The following ADGRB2 variants were observed in gnomAD, a reference collection of about 807,000 sequenced individuals.
ADGRB2 encodes the protein brain-specific angiogenesis inhibitor 2.
In ADGRB2, 47 loss-of-function variants were observed where a neutral mutation model predicts 178.7. The ratio of observed to expected loss-of-function variants is 0.26; its 90% CI spans 0.21 to 0.34. The LOEUF (loss-of-function observed/expected upper bound fraction) is 0.34. Among genes scored for constraint, ADGRB2 ranks in the 10% least tolerant of loss-of-function variants. The pLI, the probability that ADGRB2 is intolerant of heterozygous loss-of-function variation, is 1.00. For synonymous variants in ADGRB2, 870 were observed against 912.4 expected, an observed-to-expected ratio of 0.95 and a Z score of 0.84; for missense variants, 1,584 against 2,180.8, an observed-to-expected ratio of 0.73 and a Z score of 5.45.
chr1:31,740,691 A>G lies in ADGRB2; in HGVS notation c.1795-150T>C. 1.3e-6 allele frequency: 1 copy of G among 779,928 alleles called. No homozygotes were observed. Among genetic ancestry groups the G allele is most frequent in the South Asian group, 2.0e-5 (1 of 49,856 alleles). The allele number at this position is 779,928 out of a possible 1,614,324, so 48.3% of individuals were successfully genotyped here. A position where few individuals can be genotyped will look rare whatever the true frequency, so the allele number is the denominator to read the frequency against. On this transcript the variant is annotated intron_variant, in intron 11 of 32. Transcript: ENST00000373658. This position sits in a 1 kb window ranked among gnomAD's most constrained non-coding sequence, Gnocchi z 5.9. ...AGGCTCAAAGGGGCACACAGGGGAGACAGAGTCCGAGAAAGAGACTCATAG... is the reference window on the plus strand; with the variant it reads ...AGGCTCAAAGGGGCACACAGGGGAGGCAGAGTCCGAGAAAGAGACTCATAG...
intron 6 of ADGRB2, 147 bp from the exon 7 acceptor site, chr1:31,743,149 C>T: frequency 1.0e-6 from 1 of 978,276 alleles, no homozygotes; most frequent in Non-Finnish European, 1.4e-6. Context: ...CCAGGGGGAT[C>T]TCCCAGGGCC....
Position 31,735,322 on chromosome 1 carries a change from A to G in ADGRB2, c.3354-41T>C, listed in dbSNP as rs1357395255. 8.1e-6 allele frequency: 10 copies of G among 1,230,520 alleles called. No homozygotes were observed. Among genetic ancestry groups the G allele is most frequent in the Non-Finnish European group, 9.8e-6 (9 of 919,304 alleles). The allele number at this position is 1,230,520 out of a possible 1,614,324, so 76.2% of individuals were successfully genotyped here. A position where few individuals can be genotyped will look rare whatever the true frequency, so the allele number is the denominator to read the frequency against. ...GACATGGGAGAAGGAGGGGAAACAC[A>G]TGGGAAGCCGGGAGATGGGGCAGAA... On this transcript the variant is annotated intron_variant, in intron 24 of 32. Transcript: ENST00000373658. This position sits in a 1 kb window ranked among gnomAD's most constrained non-coding sequence, Gnocchi z 6.0.
Position 31,732,966 on chromosome 1 carries a change from C to T in ADGRB2, c.3624+6G>A. 6.4e-7 allele frequency: 1 copy of T among 1,550,598 alleles called. No individual in the cohort carries two copies. The highest frequency in any genetic ancestry group is 8.7e-7 in the Non-Finnish European group (1 of 1,147,242). ...GCACACACAGGCGGGAGAGGCCCAG[C>T]CCCACCTCTCGGCGCAGGAAGCAGT... On this transcript the variant is annotated splice_donor_region_variant and intron_variant, in intron 26 of 32. Coordinates refer to ENST00000373658, the MANE Select transcript of ADGRB2 (RefSeq NM_001364857.2).
rs1647037349 is a variant in ADGRB2 at position 31,761,329 on chromosome 1, AG to A, written c.-191+2554del. 6.6e-6 allele frequency among the ~76,000 whole-genome samples: 1 copy of A among 152,204 alleles called. No homozygotes were observed. Among genetic ancestry groups the A allele is most frequent in the South Asian group, 2.1e-4 (1 of 4,828 alleles). ...GTTTCTTCAAACTCCTCAGGCCCTC[AG>A]GCCCGGTGGCCCTGCTAACTCTGAC... On this transcript the variant is annotated intron_variant, in intron 1 of 32. Transcript: ENST00000373658. The surrounding 1 kb of genome is among the most constrained non-coding windows in gnomAD (Gnocchi z 4.2).
chr1:31,744,051 A>G lies in ADGRB2; in HGVS notation c.1087+142T>C, dbSNP rs1207864693. The G allele has an allele frequency of 8.8e-7, 1 of 1,130,606 alleles. No individual in the cohort carries two copies. The highest frequency in any genetic ancestry group is 3.1e-5 in the Admixed American group (1 of 32,762). 70.0% of individuals were successfully genotyped at this position (1,130,606 alleles called of 1,614,324 possible). A position where few individuals can be genotyped will look rare whatever the true frequency, so the allele number is the denominator to read the frequency against. On this transcript the variant is annotated intron_variant, in intron 6 of 32. Transcript: ENST00000373658. This position sits in a 1 kb window ranked among gnomAD's most constrained non-coding sequence, Gnocchi z 6.7. ...CCTGCACCGGGCTGGCATGGTACGC[A>G]GAGTTGGGCATGGTGTGGGGAACAG...
intron 4 of ADGRB2, among the ~76,000 whole-genome samples, chr1:31,750,819 T>A (rs1646527969): frequency 6.6e-6 from 1 of 152,004 alleles, no homozygotes; most frequent in Non-Finnish European, 1.5e-5. Context: ...GCTCTACCCC[T>A]GCAGTCCAAT....
intron 28 of ADGRB2, 70 bp from the exon 29 acceptor site, chr1:31,731,489 C>G (rs949795306): frequency 2.7e-6 from 4 of 1,506,582 alleles, no homozygotes; most frequent in Non-Finnish European, 3.6e-6. Flanking sequence ...ATTGCCCAGG[C>G]TGGGGAGGTA....
At chr1:31,757,073 G>T in intron 3 of ADGRB2, 128 bp downstream of exon 3, 3 of 1,495,732 alleles carry the variant, frequency 2.0e-6, no homozygotes, top group South Asian at 1.2e-5. Context: ...AAGGACTCGC[G>T]AGAGTGCCTG....
chr1:31,745,480 C>G (rs2148987024), intron 4 of ADGRB2, among the ~76,000 whole-genome samples: 1 of 152,360 alleles, frequency 6.6e-6, no homozygotes, highest in East Asian at 1.9e-4. Context: ...TGTGTCTGGG[C>G]TAGGCCTTGG....
chr1:31,744,560 G>T lies in ADGRB2; in HGVS notation c.922+88C>A. 1 of 1,515,376 alleles carries T rather than the reference G, an allele frequency of 6.6e-7. No homozygotes were observed. The highest frequency in any genetic ancestry group is 9.0e-7 in the Non-Finnish European group (1 of 1,108,228). The allele number at this position is 1,515,376 out of a possible 1,614,324, so 93.9% of individuals were successfully genotyped here. A position where few individuals can be genotyped will look rare whatever the true frequency, so the allele number is the denominator to read the frequency against. ...AGACGCGACTGAACTGCAGGACAGA[G>T]ACAGACAGGCACACACCAAGCACAC... On this transcript the variant is annotated intron_variant, in intron 5 of 32. Transcript: ENST00000373658. The surrounding 1 kb of genome is among the most constrained non-coding windows in gnomAD (Gnocchi z 6.7).
In ADGRB2 at chr1:31,735,227, C is replaced by T. The variant is rs1187091333; in HGVS notation, c.3408G>A (p.Ala1136=). Residue 1136 remains alanine, a synonymous_variant, in exon 25 of 33, where the codon GCG becomes GCA. Coordinates refer to ENST00000373658, the MANE Select transcript of ADGRB2 (RefSeq NM_001364857.2). This position sits in a 1 kb window ranked among gnomAD's most constrained non-coding sequence, Gnocchi z 6.0. ...CTGAGCTGAGCAGGGGGCTGGGGAC[C>T]GCTCCACACGCTGAGCAGGGGAGGA... ...SLLLPCSACG[A]VPSPLLSSAS... 7 of 1,458,232 alleles carry T rather than the reference C, an allele frequency of 4.8e-6. No homozygotes were observed. Among genetic ancestry groups the T allele is most frequent in the African/African-American group, 1.4e-5 (1 of 70,184 alleles). The allele number at this position is 1,458,232 out of a possible 1,614,324, so 90.3% of individuals were successfully genotyped here.
intron 16 of ADGRB2, 77 bp downstream of exon 16, chr1:31,738,755 G>A: frequency 6.3e-7 from 1 of 1,594,616 alleles, no homozygotes; most frequent in South Asian, 1.1e-5. Flanking sequence ...ATCAGGGACA[G>A]AGTGCTTCCC....
chr1:31,758,909 C>A lies in ADGRB2; in HGVS notation c.-190-1398G>T, dbSNP rs138678695. Among the ~76,000 whole-genome samples, 4 of 152,246 alleles carry A rather than the reference C, an allele frequency of 2.6e-5. No individual in the cohort carries two copies. Among genetic ancestry groups the A allele is most frequent in the Non-Finnish European group, 5.9e-5 (4 of 68,042 alleles). On this transcript the variant is annotated intron_variant, in intron 1 of 32. Coordinates refer to ENST00000373658, the MANE Select transcript of ADGRB2 (RefSeq NM_001364857.2). The surrounding 1 kb of genome is among the most constrained non-coding windows in gnomAD (Gnocchi z 4.2). ...CCTGCTGCGGCACTAGCCAAGCCAG[C>A]GGCTGATGATGAGTGACATCCAATC...
chr1:31,741,692 A>G lies in ADGRB2; in HGVS notation c.1619T>C (p.Met540Thr), dbSNP rs766350848. The G allele has an allele frequency of 1.2e-6, 2 of 1,614,080 alleles. No homozygotes were observed. The highest frequency in any genetic ancestry group is 1.7e-6 in the Non-Finnish European group (2 of 1,179,972). The change falls in exon 10 of 33, where the codon ATG becomes ACG. Residue 540 changes from methionine (M) to threonine (T), a missense_variant. By Grantham distance (81) the Met-to-Thr change is moderately conservative. Coordinates refer to ENST00000373658, the MANE Select transcript of ADGRB2 (RefSeq NM_001364857.2). The surrounding 1 kb of genome is among the most constrained non-coding windows in gnomAD (Gnocchi z 6.5). ...FHEMCRDEYVMLMTWKKAAAG... is the reference protein window; with the variant it reads ...FHEMCRDEYVTLMTWKKAAAG... Reference sequence around the variant, plus strand: ...AGCTGCCTTCTTCCACGTCATCAGCATCACGTACTCATCCCTGCACATCTC... The same window carrying G: ...AGCTGCCTTCTTCCACGTCATCAGCGTCACGTACTCATCCCTGCACATCTC...
In ADGRB2 at chr1:31,728,381, C is replaced by T. The variant is rs749618524; in HGVS notation, c.4417-101G>A. 1 of 1,362,208 alleles carries T rather than the reference C, an allele frequency of 7.3e-7. No homozygotes were observed. The highest frequency in any genetic ancestry group is 1.4e-5 in the African/African-American group (1 of 69,724). The allele number at this position is 1,362,208 out of a possible 1,614,324, so 84.4% of individuals were successfully genotyped here. On this transcript the variant is annotated intron_variant, in intron 30 of 32. Coordinates refer to ENST00000373658, the MANE Select transcript of ADGRB2 (RefSeq NM_001364857.2). This position sits in a 1 kb window ranked among gnomAD's most constrained non-coding sequence, Gnocchi z 6.7. ...CCCAAGCCCCCCACATCCCTCCCTG[C>T]TGCCAGCCCCTCTGGGACAAGACCT... is the stretch of plus-strand genomic sequence containing the variant.
At position 31,756,347 on chromosome 1, in the gene ADGRB2, C is replaced by T; in HGVS notation, c.490G>A (p.Ala164Thr). 1 of 1,612,948 alleles carries T rather than the reference C, an allele frequency of 6.2e-7. No homozygotes were observed. Among genetic ancestry groups the T allele is most frequent in the Non-Finnish European group, 8.5e-7 (1 of 1,179,960 alleles). ...DKNFVQLCLS[A>T]EPSEAPRLLA... is the part of the protein sequence containing the mutation. ...AGGCGCGGGGCCTCGGAGGGCTCAG[C>T]CGACAGGCACAGCTGCACGAAGTTC... is the stretch of plus-strand genomic sequence containing the variant. Residue 164 changes from alanine (A) to threonine (T), a missense_variant, in exon 4 of 33, where the codon GCT becomes ACT. By Grantham distance (58) the Ala-to-Thr change is moderately conservative (BLOSUM62 0). Coordinates refer to ENST00000373658, the MANE Select transcript of ADGRB2 (RefSeq NM_001364857.2). This position sits in a 1 kb window ranked among gnomAD's most constrained non-coding sequence, Gnocchi z 8.5.
intron 26 of ADGRB2, 100 bp downstream of exon 26, chr1:31,732,872 C>T: frequency 6.9e-7 from 1 of 1,441,866 alleles, no homozygotes; most frequent in Non-Finnish European, 9.3e-7. Context: ...CCTGGGGCAC[C>T]CTGGTCGGGG....
chr1:31,749,414 G>A (rs117552385), intron 4 of ADGRB2, among the ~76,000 whole-genome samples: 1 of 152,344 alleles, frequency 6.6e-6, no homozygotes, highest in East Asian at 1.9e-4. Context: ...TGTGGAAAGG[G>A]CACAGATTCT....
At position 31,753,196 on chromosome 1, in the gene ADGRB2, C is replaced by T. The variant is rs1646666205; in HGVS notation, c.838+2803G>A. 6.6e-6 allele frequency among the ~76,000 whole-genome samples: 1 copy of T among 152,254 alleles called. No homozygotes were observed. Among genetic ancestry groups the T allele is most frequent in the Non-Finnish European group, 1.5e-5 (1 of 68,044 alleles). Reference sequence around the variant, plus strand: ...GCCTTCCAGCCCTGACCTCAGCCAGCCTCCGTGCCAGTCCTCCACCAAGCT... The same window carrying T: ...GCCTTCCAGCCCTGACCTCAGCCAGTCTCCGTGCCAGTCCTCCACCAAGCT... On this transcript the variant is annotated intron_variant, in intron 4 of 32. Coordinates refer to ENST00000373658, the MANE Select transcript of ADGRB2 (RefSeq NM_001364857.2). This position sits in a 1 kb window ranked among gnomAD's most constrained non-coding sequence, Gnocchi z 4.1.
Sources: allele counts gnomAD v4.1 joint callset (sites outside exome capture counted in the v4.1 genomes callset), GRCh38; gene constraint gnomAD v4.1.1; non-coding constraint Gnocchi (gnomAD v3.1); transcripts MANE v1.5; gene names NCBI Gene and HGNC (gene_info 2026-07-23, HGNC 2026-07-21).